CNTN4: variants seen among roughly 807,000 people sequenced by gnomAD.
CNTN4 encodes contactin 4.
In CNTN4, 77 loss-of-function variants were observed where a neutral mutation model predicts 122.5. The ratio of observed to expected loss-of-function variants is 0.63; its 90% CI spans 0.52 to 0.76. The LOEUF (loss-of-function observed/expected upper bound fraction) is 0.76. Ranked by LOEUF, CNTN4 falls within the 30% of genes least tolerant of loss-of-function variation. CNTN4 has a pLI of 0.00. For missense variants in CNTN4, 1,256 were observed against 1,259.1 expected, an observed-to-expected ratio of 1.00 and a Z score of 0.04; for synonymous variants, 512 against 447.0, an observed-to-expected ratio of 1.15 and a Z score of -1.83.
At chr3:2,729,381 A>G (rs1003378059) in intron 4 of CNTN4, among the ~76,000 whole-genome samples, 1 of 146,182 alleles carries the variant, frequency 6.8e-6, no homozygotes, top group Non-Finnish European at 1.5e-5. Context: ...CGGCTAACAC[A>G]AAATTAACAA....
At chr3:2,872,236 T>C (rs1423713988) in intron 8 of CNTN4, among the ~76,000 whole-genome samples, 1 of 152,202 alleles carries the variant, frequency 6.6e-6, no homozygotes, top group Non-Finnish European at 1.5e-5. Context: ...TTGGCTCTTC[T>C]GTCTTTAGCC....
At chr3:2,676,244 C>CAG (rs1473265141) in intron 4 of CNTN4, among the ~76,000 whole-genome samples, 4 of 151,734 alleles carry the variant, frequency 2.6e-5, no homozygotes, top group Non-Finnish European at 5.9e-5. Context: ...GTGGGGGGCA[C>CAG]AGAGTCTTGC....
At chr3:2,588,715 C>T (rs1013660835) in intron 4 of CNTN4, among the ~76,000 whole-genome samples, 8 of 149,156 alleles carry the variant, frequency 5.4e-5, no homozygotes, top group Non-Finnish European at 8.9e-5. Flanking sequence ...CAAAAATTAT[C>T]TCCCATTCCA....
chr3:2,111,471 A>G (rs537420529), intron 2 of CNTN4, among the ~76,000 whole-genome samples: 1 of 152,272 alleles, frequency 6.6e-6, no homozygotes, highest in Non-Finnish European at 1.5e-5. Flanking sequence ...AAAGAAACAT[A>G]ATATAATGTA....
chr3:2,122,257 C>T (rs531185787), intron 2 of CNTN4, among the ~76,000 whole-genome samples: 1 of 152,148 alleles, frequency 6.6e-6, no homozygotes, highest in South Asian at 2.1e-4. Context: ...CCTTTTGTCA[C>T]TTTCTGCTAA....
At position 2,444,994 on chromosome 3, in the gene CNTN4, C is replaced by T. The variant is rs75245223; in HGVS notation, c.-89+105761C>T. On this transcript the variant is annotated intron_variant, in intron 3 of 24. Coordinates refer to ENST00000418658, the MANE Select transcript of CNTN4 (RefSeq NM_175607.3). ...CCGCATCCCCCCACCCCACTTCTTA[C>T]TATGTAAAAAAAAAAAAAATCTATC... Among the ~76,000 whole-genome samples the T allele has an allele frequency of 2.7e-3, 403 of 150,036 alleles. 6 individuals carry two copies. The East Asian group carries it at 0.052, about 19-fold the overall frequency.
At chr3:2,883,351 C>A in intron 9 of CNTN4, 104 bp downstream of exon 9, 1 of 799,804 alleles carries the variant, frequency 1.3e-6, no homozygotes, top group Non-Finnish European at 2.1e-6. Context: ...GACGGAAAAG[C>A]AAGTGAAGCC....
intron 4 of CNTN4, among the ~76,000 whole-genome samples, chr3:2,679,557 A>G (rs2085055254): frequency 6.6e-6 from 1 of 152,208 alleles, no homozygotes; most frequent in African/African-American, 2.4e-5. Flanking sequence ...GCTATTCTTT[A>G]AGAGTCCTTG....
intron 2 of CNTN4, among the ~76,000 whole-genome samples, chr3:2,176,581 T>G (rs2036757275): frequency 6.6e-6 from 1 of 152,162 alleles, no homozygotes; most frequent in Non-Finnish European, 1.5e-5. Flanking sequence ...TATGCACATA[T>G]GGCCAACATA....
chr3:2,916,580 G>A (rs562522556), intron 12 of CNTN4, among the ~76,000 whole-genome samples: 7 of 130,772 alleles, frequency 5.4e-5, no homozygotes, highest in Admixed American at 3.1e-4. Context: ...AGAACAAAAT[G>A]GAGTCTCCCA....
At chr3:2,688,956 C>G (rs1452673508) in intron 4 of CNTN4, among the ~76,000 whole-genome samples, 1 of 152,150 alleles carries the variant, frequency 6.6e-6, no homozygotes, top group Non-Finnish European at 1.5e-5. Context: ...TTACAGAGGT[C>G]TAATGTAGCA....
chr3:2,790,854 A>T (rs2091986505), intron 6 of CNTN4, among the ~76,000 whole-genome samples: 1 of 152,202 alleles, frequency 6.6e-6, no homozygotes, highest in South Asian at 2.1e-4. Flanking sequence ...TAAAATTGAT[A>T]AGTATTTGAT....
At chr3:2,812,130 G>A (rs994057126) in intron 6 of CNTN4, among the ~76,000 whole-genome samples, 6 of 152,164 alleles carry the variant, frequency 3.9e-5, no homozygotes, top group African/African-American at 1.4e-4. Flanking sequence ...TTAGAGAGTG[G>A]AGGGCGGGAG....
rs1409542519 is a variant in CNTN4, at chr3:2,415,630, C to A, written c.-89+76397C>A. ...GCTTGGTATACATTTCTGTGGGACC[C>A]AGTGTTTGGCTTTGGTCTGCTAATT... On this transcript the variant is annotated intron_variant, in intron 3 of 24. Coordinates refer to ENST00000418658, the MANE Select transcript of CNTN4 (RefSeq NM_175607.3). 2.6e-5 allele frequency among the ~76,000 whole-genome samples: 4 copies of A among 152,236 alleles called. 1 individual carries two copies. In the South Asian group the frequency reaches 8.3e-4, roughly 32 times the overall value.
At chr3:2,114,422 T>TG (rs1393051417) in intron 2 of CNTN4, among the ~76,000 whole-genome samples, 15 of 152,246 alleles carry the variant, frequency 9.9e-5, no homozygotes, top group Admixed American at 9.8e-4. Flanking sequence ...ATCCTGTCAC[T>TG]GCACTCCAGT....
At chr3:2,802,745 C>T (rs2092378424) in intron 6 of CNTN4, among the ~76,000 whole-genome samples, 1 of 152,076 alleles carries the variant, frequency 6.6e-6, no homozygotes, top group South Asian at 2.1e-4. Flanking sequence ...ATAACTACAG[C>T]CAGTAATGTA....
intron 4 of CNTN4, among the ~76,000 whole-genome samples, chr3:2,598,880 C>A (rs1303989256): frequency 2.0e-5 from 3 of 151,944 alleles, no homozygotes; most frequent in African/African-American, 7.3e-5. Flanking sequence ...CAAGCTCTTA[C>A]TAATGGTAAT....
At chr3:2,875,234 C>T (rs1030759373) in intron 8 of CNTN4, among the ~76,000 whole-genome samples, 3 of 152,132 alleles carry the variant, frequency 2.0e-5, no homozygotes, top group Middle Eastern at 3.2e-3. Context: ...CCTCCAATCT[C>T]GGCCTCCCAA....
In CNTN4 at chr3:2,612,987, T is replaced by C. The variant is rs73805356; in HGVS notation, c.55+41429T>C. The stretch of plus-strand genomic sequence containing the variant: ...AGAGGAAGCATCTTAGGGTGCTGCA[T>C]GTGAGCATTACGTTTAAGAACACAA... On this transcript the variant is annotated intron_variant, in intron 4 of 24. Transcript: ENST00000418658. Among the ~76,000 whole-genome samples, 1,204 of 152,306 alleles carry C rather than the reference T, an allele frequency of 7.9e-3. 19 individuals carry two copies. The highest frequency in any genetic ancestry group is 0.028 in the African/African-American group (1,153 of 41,580).
Sources: gnomAD v4.1 joint callset for allele counts (sites outside exome capture counted in the v4.1 genomes callset) on GRCh38, gnomAD v4.1.1 for gene constraint, MANE v1.5 for transcripts, NCBI Gene and HGNC (gene_info 2026-07-23, HGNC 2026-07-21) for gene names.